Variants in FTCD observed in about 807,000 individuals in gnomAD.
FTCD encodes formimidoyltransferase cyclodeaminase.
FTCD carries 76 observed loss-of-function variants against 62.9 expected under a neutral mutation model. The ratio of observed to expected loss-of-function variants is 1.21; its 90% confidence interval spans 1.00 to 1.46. FTCD has a LOEUF of 1.46. Among genes scored for constraint, FTCD ranks in the 40% most tolerant of loss-of-function variants. FTCD has a pLI of 0.00. For synonymous variants in FTCD, 397 were observed against 336.9 expected (o/e 1.18, Z -1.95); for missense variants, 845 against 751.3 (o/e 1.12, Z -1.46).
intron 11 of FTCD, 71 bp downstream of exon 11, chr21:46,138,809 G>A (rs1388966571): frequency 7.5e-6 from 11 of 1,463,532 alleles, no homozygotes; most frequent in African/African-American, 1.4e-5. Flanking sequence ...ACAGCACCCA[G>A]GTACTCGGGA....
chr21:46,149,612 G>A (rs895940546), intron 7 of FTCD, among the ~76,000 whole-genome samples: 6 of 152,178 alleles, frequency 3.9e-5, no homozygotes, highest in Non-Finnish European at 2.9e-5. Flanking sequence ...GGCGGACAGC[G>A]GCTCTGCAGA....
At chr21:46,141,842 G>A (rs2079015228) in intron 10 of FTCD, among the ~76,000 whole-genome samples, 1 of 152,338 alleles carries the variant, frequency 6.6e-6, no homozygotes, top group Admixed American at 6.5e-5. Context: ...TACGGAACAT[G>A]CTTAACCTGC....
rs1248867513 is a variant in FTCD at position 46,138,940 on chromosome 21, G to C, written c.1261-17C>G. 2 of 1,607,688 alleles carry C rather than the reference G, an allele frequency of 1.2e-6. No individual in the cohort carries two copies. Among genetic ancestry groups the C allele is most frequent in the South Asian group, 2.2e-5 (2 of 90,952 alleles). On this transcript the variant is annotated splice_polypyrimidine_tract_variant and intron_variant, in intron 10 of 13. Coordinates refer to ENST00000397746, the MANE Select transcript of FTCD (RefSeq NM_206965.2). The stretch of plus-strand genomic sequence containing the variant: ...CATTGCTTCCTGCCATAAAGAGACA[G>C]AACCACTGGGCGAGGGACCGTAGGG...
At chr21:46,153,243 C>T (rs1042146655) in intron 2 of FTCD, among the ~76,000 whole-genome samples, 2 of 152,210 alleles carry the variant, frequency 1.3e-5, no homozygotes, top group Non-Finnish European at 2.9e-5. Flanking sequence ...CCCGGGACAA[C>T]GGAAGTTCCC....
At chr21:46,152,340 T>C (rs1424722304) in intron 3 of FTCD, 7 of 251,656 alleles carry the variant, frequency 2.8e-5, no homozygotes, top group Non-Finnish European at 4.6e-5. Context: ...GAGGAAAAAC[T>C]CGTGAACCCG....
downstream of FTCD, chr21:46,136,314 G>T: frequency 1.3e-6 from 1 of 792,592 alleles, no homozygotes; most frequent in Non-Finnish European, 2.1e-6. Context: ...CAGGAGGCTG[G>T]CTGGGCAGGG....
At position 46,154,327 on chromosome 21, in the gene FTCD, G is replaced by C. The variant is rs374622555; in HGVS notation, c.60C>G (p.Ile20Met). The change falls in exon 2 of 14, where the codon ATC (isoleucine) becomes ATG (methionine). Residue 20 changes from isoleucine (I) to methionine (M), a missense_variant. Physicochemically the swap from Ile to Met is conservative, Grantham distance 10 (BLOSUM62 1). Transcript: ENST00000397746. Reference sequence around the variant, plus strand: ...GTGTGATGGCTCCAGAGATGGCGTCGATCACCTGGGACACAGGCCCGGCCC... The same window carrying C: ...GTGTGATGGCTCCAGAGATGGCGTCCATCACCTGGGACACAGGCCCGGCCC... The part of the protein sequence containing the change: ...NFSEGKNQEV[I>M]DAISGAITQT... The C allele has an allele frequency of 1.9e-6, 3 of 1,609,450 alleles. No homozygotes were observed. In the African/African-American group the frequency reaches 4.0e-5, roughly 21 times the overall value.
intron 10 of FTCD, among the ~76,000 whole-genome samples, chr21:46,143,621 G>C (rs899287572): frequency 6.6e-6 from 1 of 152,134 alleles, no homozygotes; most frequent in African/African-American, 2.4e-5. Flanking sequence ...GAAGGGGCAC[G>C]CTAAAAAGTG....
chr21:46,138,579 C>A lies in FTCD; in HGVS notation c.1372G>T (p.Val458Leu). 1 of 1,588,620 alleles carries A rather than the reference C, an allele frequency of 6.3e-7. No individual in the cohort carries two copies. The highest frequency in any genetic ancestry group is 8.5e-7 in the Non-Finnish European group (1 of 1,174,574). Residue 458 changes from valine (V) to leucine (L), a missense_variant, in exon 12 of 14, where the codon GTG becomes TTG. Transcript: ENST00000397746. Reference protein sequence around the residue: ...VSVPLTLAETVASLWPALQEL... With the variant: ...VSVPLTLAETLASLWPALQEL... Reference sequence around the variant, plus strand: ...TGCAGGGCCGGCCACAGCGAGGCCACCGTCTCCGCCAGCGTCAGCGGCACA... The same window carrying A: ...TGCAGGGCCGGCCACAGCGAGGCCAACGTCTCCGCCAGCGTCAGCGGCACA...
chr21:46,138,706 A>G (rs1247935941), intron 11 of FTCD, 60 bp from the exon 12 acceptor site: 15 of 1,552,240 alleles, frequency 9.7e-6, no homozygotes, highest in Admixed American at 8.4e-5. Flanking sequence ...CAGTGGACAC[A>G]CTGCACCCCA....
In FTCD at chr21:46,138,503, C is replaced by T. The variant is rs904084233; in HGVS notation, c.1443+5G>A. The stretch of plus-strand genomic sequence containing the variant: ...GGAGGCCTGGGGTCCCCCGGGCCCC[C>T]CTACCTGGAGGTCTGACCGGCAGGC... On this transcript the variant is annotated splice_donor_5th_base_variant and intron_variant, in intron 12 of 13. Transcript: ENST00000397746. 8.8e-6 allele frequency: 14 copies of T among 1,582,040 alleles called. No homozygotes were observed. The highest frequency in any genetic ancestry group is 2.1e-4 in the Middle Eastern group (1 of 4,682).
chr21:46,138,848 G>A (rs2078930769), intron 11 of FTCD, 32 bp downstream of exon 11: 2 of 1,591,088 alleles, frequency 1.3e-6, no homozygotes, highest in Admixed American at 3.3e-5. Context: ...CAGACACAGA[G>A]GCCCACGGTG....
intron 10 of FTCD, chr21:46,142,592 G>A (rs1444089275): frequency 2.0e-5 from 3 of 152,288 alleles, no homozygotes; most frequent in East Asian, 1.9e-4. Flanking sequence ...CCTTGGCAGT[G>A]AGTGTTACAG....
chr21:46,137,950 G>A (rs562844752), intron 12 of FTCD, among the ~76,000 whole-genome samples: 193 of 152,314 alleles, frequency 1.3e-3, no homozygotes, highest in African/African-American at 3.1e-3. Context: ...AGGCTGGAGC[G>A]CAGTGGTGTG....
intron 7 of FTCD, 28 bp from the exon 8 acceptor site, chr21:46,146,355 G>T: frequency 6.7e-7 from 1 of 1,500,404 alleles, no homozygotes; most frequent in Non-Finnish European, 9.2e-7. Flanking sequence ...AGTGGAAACG[G>T]CCTCGGCGCG....
chr21:46,137,717 G>A (rs1463227345), intron 12 of FTCD, among the ~76,000 whole-genome samples: 1 of 152,042 alleles, frequency 6.6e-6, no homozygotes, highest in Non-Finnish European at 1.5e-5. Context: ...CACTTCTCTG[G>A]GACCAGATGC....
At chr21:46,143,711 G>C (rs1019246871) in intron 10 of FTCD, among the ~76,000 whole-genome samples, 1 of 152,270 alleles carries the variant, frequency 6.6e-6, no homozygotes, top group South Asian at 2.1e-4. Flanking sequence ...TAAGGCCAGC[G>C]TCTGGGAAGG....
At position 46,150,166 on chromosome 21, in the gene FTCD, C is replaced by T. The variant is rs761284163; in HGVS notation, c.859G>A (p.Glu287Lys). Residue 287 changes from glutamate (E) to lysine (K), a missense_variant, in exon 7 of 14, where the codon GAG becomes AAG. Coordinates refer to ENST00000397746, the MANE Select transcript of FTCD (RefSeq NM_206965.2). ...TCCAGGATGAAGAGGTTCTCCTTCT[C>T]GCAGTAGAAGGCGGCCGCATCCAGC... is the stretch of plus-strand genomic sequence containing the variant. ...ALLDAAAFYC[E>K]KENLFILEEE... 5 of 1,610,172 alleles carry T rather than the reference C, an allele frequency of 3.1e-6. No individual in the cohort carries two copies. Among genetic ancestry groups the T allele is most frequent in the Admixed American group, 3.3e-5 (2 of 59,832 alleles).
Position 46,145,879 on chromosome 21 carries a change from T to TC in FTCD, c.1036dup (p.Glu346GlyfsTer86), listed in dbSNP as rs2123531404. 1 of 1,324,088 alleles carries TC rather than the reference T, an allele frequency of 7.6e-7. No homozygotes were observed. Among genetic ancestry groups the TC allele is most frequent in the African/African-American group, 2.2e-5 (1 of 46,364 alleles). 82.0% of individuals were successfully genotyped at this position (1,324,088 alleles called of 1,614,324 possible). The stretch of plus-strand genomic sequence containing the variant: ...GGGGGCCGCAGAGCGGGCACCCACC[T>TC]CCCCCACGAAGGCGCGCAGGGACTT... On this transcript the variant is annotated frameshift_variant, in exon 9 of 14. Coordinates refer to ENST00000397746, the MANE Select transcript of FTCD (RefSeq NM_206965.2). LOFTEE classifies it high-confidence loss of function.
Sources: allele counts gnomAD v4.1 joint callset (sites outside exome capture counted in the v4.1 genomes callset), GRCh38; gene constraint gnomAD v4.1.1; transcripts MANE v1.5; gene names NCBI Gene and HGNC (gene_info 2026-07-23, HGNC 2026-07-21).